Variants in KLHL35 observed in about 807,000 individuals in gnomAD.
KLHL35 encodes kelch-like protein 35.
In KLHL35, 50 loss-of-function variants were observed where a neutral mutation model predicts 44.0. That is an observed-to-expected ratio of 1.14 (90% CI 0.91 to 1.44). The LOEUF (loss-of-function observed/expected upper bound fraction) is 1.44. KLHL35 is among the 40% of genes most tolerant of loss of function. The pLI, the probability that KLHL35 is intolerant of heterozygous loss-of-function variation, is 0.00. For missense variants in KLHL35, 1,049 were observed against 887.8 expected (o/e 1.18, Z -2.31); for synonymous variants, 470 against 410.4 (o/e 1.15, Z -1.76).
At position 75,429,770 on chromosome 11, in the gene KLHL35, G is replaced by A. The variant is rs1345259588; in HGVS notation, c.860C>T (p.Ala287Val). Residue 287 changes from alanine to valine, a missense_variant, in exon 2 of 7, where the codon GCG (alanine) becomes GTG (valine). Coordinates refer to ENST00000539798, the MANE Select transcript of KLHL35 (RefSeq NM_001039548.3). ...ACFILGREAG[A>V]LRTRPRRFMD... is the part of the protein sequence containing the mutation. The stretch of plus-strand genomic sequence containing the variant: ...CTACCTCCGCGGCCGGGTCCGCAGC[G>A]CACCGGCCTCGCGGCCCAGGATGAA... 2.7e-6 allele frequency: 4 copies of A among 1,496,022 alleles called. No homozygotes were observed. The highest frequency in any genetic ancestry group is 2.7e-6 in the Non-Finnish European group (3 of 1,128,254). 92.7% of individuals were successfully genotyped at this position (1,496,022 alleles called of 1,614,324 possible).
In KLHL35 at chr11:75,425,506, A is replaced by G. The variant is rs1366884987; in HGVS notation, c.1261T>C (p.Trp421Arg). The change falls in exon 5 of 7, where the codon TGG (tryptophan) becomes CGG (arginine). Residue 421 changes from tryptophan to arginine, a missense_variant. Coordinates refer to ENST00000539798, the MANE Select transcript of KLHL35 (RefSeq NM_001039548.3). ...VERYDPFSNTWAAAAPLPEAV... is the reference protein window; with the variant it reads ...VERYDPFSNTRAAAAPLPEAV... ...TCCGGGAGGGGCGCGGCGGCCGCCC[A>G]GGTGTTGGAGAAGGGGTCGTAGCGC... is the stretch of plus-strand genomic sequence containing the variant. The G allele has an allele frequency of 1.9e-6, 3 of 1,562,758 alleles. No homozygotes were observed. Among genetic ancestry groups the G allele is most frequent in the Admixed American group, 2.0e-5 (1 of 50,762 alleles).
chr11:75,422,869 G>A (rs935019113), intron 6 of KLHL35, 101 bp from the exon 7 acceptor site: 7 of 1,077,484 alleles, frequency 6.5e-6, no homozygotes, highest in East Asian at 4.8e-5. Context: ...CACAGACTGT[G>A]AACAGGCAAT....
chr11:75,430,052 T>A lies in KLHL35; in HGVS notation c.578A>T (p.Glu193Val). The change falls in exon 2 of 7, where the codon GAG (glutamate) becomes GTG (valine). Residue 193 changes from glutamate (E) to valine (V), a missense_variant. Glu to Val is a moderately radical substitution (Grantham distance 121). Coordinates refer to ENST00000539798, the MANE Select transcript of KLHL35 (RefSeq NM_001039548.3). ...AEVARHADFL[E>V]LAPDEVVALL... Reference sequence around the variant, plus strand: ...CGCCACCACCTCGTCAGGCGCCAGCTCCAGGAAGTCGGCGTGGCGCGCCAC... The same window carrying A: ...CGCCACCACCTCGTCAGGCGCCAGCACCAGGAAGTCGGCGTGGCGCGCCAC... 1 of 1,403,032 alleles carries A rather than the reference T, an allele frequency of 7.1e-7. No homozygotes were observed. The highest frequency in any genetic ancestry group is 9.3e-7 in the Non-Finnish European group (1 of 1,080,118). The allele number at this position is 1,403,032 out of a possible 1,614,324, so 86.9% of individuals were successfully genotyped here.
At chr11:75,432,746 G>T (rs972640799) in intron 1 of KLHL35, among the ~76,000 whole-genome samples, 2 of 151,590 alleles carry the variant, frequency 1.3e-5, no homozygotes, top group African/African-American at 4.9e-5. Context: ...CAGTCTGGGG[G>T]TCAAACGACA....
intron 1 of KLHL35, among the ~76,000 whole-genome samples, chr11:75,431,748 T>C (rs547960862): frequency 3.0e-4 from 45 of 152,294 alleles, no homozygotes; most frequent in African/African-American, 1.0e-3. Flanking sequence ...GGGATCATCA[T>C]CCCTACCTCA....
In KLHL35 at chr11:75,428,386, A is replaced by C. The variant is rs1948507366; in HGVS notation, c.1066+56T>G. 5.1e-6 allele frequency: 8 copies of C among 1,578,800 alleles called. No homozygotes were observed. The Middle Eastern group carries it at 9.0e-4, about 177-fold the overall frequency. On this transcript the variant is annotated intron_variant, in intron 3 of 6. Coordinates refer to ENST00000539798, the MANE Select transcript of KLHL35 (RefSeq NM_001039548.3). The stretch of plus-strand genomic sequence containing the variant: ...TTGGAGGGAAAAGCAAAGGGGGTGG[A>C]GTGCGGAGGCTACTAGTCAATCCCG...
In KLHL35 at chr11:75,430,506, C is replaced by A. The variant is rs146939053; in HGVS notation, c.124G>T (p.Asp42Tyr). The A allele has an allele frequency of 7.6e-4, 1,095 of 1,441,714 alleles. 9 individuals carry two copies. The Middle Eastern group carries it at 0.015, about 19-fold the overall frequency. The allele number at this position is 1,441,714 out of a possible 1,614,324, so 89.3% of individuals were successfully genotyped here. Residue 42 changes from aspartate (D) to tyrosine (Y), a missense_variant, in exon 2 of 7, where the codon GAC (aspartate) becomes TAC (tyrosine). Coordinates refer to ENST00000539798, the MANE Select transcript of KLHL35 (RefSeq NM_001039548.3). ...CGCCCGCCGGCGCGCAGCACCACGT[C>A]GGTGAGGGTGCCGCTCCGCCGGTAG... ...NAYRRSGTLT[D>Y]VVLRAGGRDF... is the part of the protein sequence containing the mutation.
In KLHL35 at chr11:75,430,105, GC is replaced by G; in HGVS notation, c.524del (p.Gly175AlafsTer124). 7.7e-7 allele frequency: 1 copy of G among 1,300,202 alleles called. No individual in the cohort carries two copies. Among genetic ancestry groups the G allele is most frequent in the South Asian group, 2.2e-5 (1 of 45,702 alleles). The allele number at this position is 1,300,202 out of a possible 1,614,324, so 80.5% of individuals were successfully genotyped here. A position where few individuals can be genotyped will look rare whatever the true frequency, so the allele number is the denominator to read the frequency against. Reference sequence around the variant, plus strand: ...CGGCGAAGGCCTGACGCAGGACGCGGCCGCAGCGCTCGGCCAGCGGGGCCAG... The same window carrying G: ...CGGCGAAGGCCTGACGCAGGACGCGGCGCAGCGCTCGGCCAGCGGGGCCAG... ...FSLAPLAERCGRVLRQAFAEV... is the reference protein window; with the variant it reads ...FSLAPLAERCXRVLRQAFAEV... On this transcript the variant is annotated frameshift_variant, in exon 2 of 7. Transcript: ENST00000539798. LOFTEE classifies it high-confidence loss of function.
chr11:75,428,475 C>G lies in KLHL35; in HGVS notation c.1033G>C (p.Ala345Pro). 6.2e-7 allele frequency: 1 copy of G among 1,612,554 alleles called. No individual in the cohort carries two copies. The highest frequency in any genetic ancestry group is 8.5e-7 in the Non-Finnish European group (1 of 1,179,874). The change falls in exon 3 of 7, where the codon GCC becomes CCC. Residue 345 changes from alanine to proline, a missense_variant. Ala to Pro is a conservative substitution (Grantham distance 27). Coordinates refer to ENST00000539798, the MANE Select transcript of KLHL35 (RefSeq NM_001039548.3). Reference protein sequence around the residue: ...LPGYTRSEFAACALRNDVYVS... With the variant: ...LPGYTRSEFAPCALRNDVYVS... ...TAGACGTCATTGCGGAGAGCACAGG[C>G]GGCGAATTCTGAGCGAGTGTAGCCG...
chr11:75,423,779 A>G lies in KLHL35; in HGVS notation c.1476T>C (p.Tyr492=), dbSNP rs554705443. 6.2e-7 allele frequency: 1 copy of G among 1,613,806 alleles called. No homozygotes were observed. Among genetic ancestry groups the G allele is most frequent in the African/African-American group, 1.3e-5 (1 of 75,004 alleles). The change falls in exon 6 of 7, where the codon TAT becomes TAC. Residue 492 remains tyrosine (Y), a synonymous_variant. Transcript: ENST00000539798. The part of the protein sequence containing the change: ...LEAVSLEDTI[Y]VMGGLMSKIF... ...TTTTGCTCATGAGACCCCCCATGAC[A>G]TAGATGGTGTCCTCAAGGGAGACAG...
In KLHL35 at chr11:75,422,755, A is replaced by G; in HGVS notation, c.1577T>C (p.Val526Ala). Reference protein sequence around the residue: ...VLPSPVESCGVTVCDGKVHIL... With the variant: ...VLPSPVESCGATVCDGKVHIL... ...GTGGACCTTCCCGTCACACACAGTG[A>G]CTCCACAGCTTTCCTGGGTGGACAA... The change falls in exon 7 of 7, where the codon GTC becomes GCC. Residue 526 changes from valine to alanine, a missense_variant. Val to Ala is a moderately conservative substitution (Grantham distance 64, BLOSUM62 0). Transcript: ENST00000539798. 1 of 1,612,138 alleles carries G rather than the reference A, an allele frequency of 6.2e-7. No individual in the cohort carries two copies. The highest frequency in any genetic ancestry group is 1.1e-5 in the South Asian group (1 of 91,058).
Position 75,425,427 on chromosome 11 carries a change from C to T in KLHL35, c.1340G>A (p.Gly447Glu). ...ASCAGKLFVIGGARQGGVNTD... is the reference protein window; with the variant it reads ...ASCAGKLFVIEGARQGGVNTD... ...GTTGACGCCGCCCTGCCTGGCGCCCCCAATCACGAAGAGCTTGCCCGCGCA... is the reference window on the plus strand; with the variant it reads ...GTTGACGCCGCCCTGCCTGGCGCCCTCAATCACGAAGAGCTTGCCCGCGCA... The change falls in exon 5 of 7, where the codon GGG (glycine) becomes GAG (glutamate). Residue 447 changes from glycine to glutamate, a missense_variant. Gly to Glu is a moderately conservative substitution (Grantham distance 98). Coordinates refer to ENST00000539798, the MANE Select transcript of KLHL35 (RefSeq NM_001039548.3). 1 of 1,568,456 alleles carries T rather than the reference C, an allele frequency of 6.4e-7. No individual in the cohort carries two copies. Among genetic ancestry groups the T allele is most frequent in the South Asian group, 1.2e-5 (1 of 86,502 alleles).
intron 6 of KLHL35, 88 bp downstream of exon 6, chr11:75,423,604 C>T (rs1948467756): frequency 1.8e-6 from 2 of 1,107,968 alleles, no homozygotes; most frequent in East Asian, 2.3e-5. Context: ...AATAAAACCA[C>T]CTAGGATGGA....
In KLHL35 at chr11:75,422,752, G is replaced by A. The variant is rs201073930; in HGVS notation, c.1580C>T (p.Thr527Ile). ...LPSPVESCGV[T>I]VCDGKVHILG... ...GATGTGGACCTTCCCGTCACACACA[G>A]TGACTCCACAGCTTTCCTGGGTGGA... The change falls in exon 7 of 7, where the codon ACT becomes ATT. Residue 527 changes from threonine to isoleucine, a missense_variant. Physicochemically the swap from Thr to Ile is moderately conservative, Grantham distance 89 (BLOSUM62 -1). Transcript: ENST00000539798. 6 of 1,613,302 alleles carry A rather than the reference G, an allele frequency of 3.7e-6. No homozygotes were observed. The highest frequency in any genetic ancestry group is 5.1e-6 in the Non-Finnish European group (6 of 1,179,406).
In KLHL35 at chr11:75,422,727, G is replaced by C. The variant is rs773237276; in HGVS notation, c.1605C>G (p.Ile535Met). The change falls in exon 7 of 7, where the codon ATC becomes ATG. Residue 535 changes from isoleucine to methionine, a missense_variant. Coordinates refer to ENST00000539798, the MANE Select transcript of KLHL35 (RefSeq NM_001039548.3). ...GVTVCDGKVH[I>M]LGGRDDRGES... ...CTCCGCGATCATCCCGCCCGCCAAG[G>C]ATGTGGACCTTCCCGTCACACACAG... The C allele has an allele frequency of 6.2e-7, 1 of 1,613,978 alleles. No homozygotes were observed. Among genetic ancestry groups the C allele is most frequent in the Non-Finnish European group, 8.5e-7 (1 of 1,179,850 alleles).
intron 6 of KLHL35, 108 bp downstream of exon 6, chr11:75,423,584 A>G (rs1263645200): frequency 1.2e-6 from 1 of 840,498 alleles, no homozygotes; most frequent in Admixed American, 2.1e-5. Flanking sequence ...TGAGCTAGAG[A>G]GTGATGTATA....
At chr11:75,431,969 G>A (rs924379266) in intron 1 of KLHL35, among the ~76,000 whole-genome samples, 3 of 152,198 alleles carry the variant, frequency 2.0e-5, no homozygotes, top group African/African-American at 7.2e-5. Flanking sequence ...TTGTCATAAG[G>A]GAAACAAGCA....
At position 75,423,822 on chromosome 11, in the gene KLHL35, G is replaced by C. The variant is rs765189389; in HGVS notation, c.1433C>G (p.Ser478Ter). The C allele has an allele frequency of 1.9e-6, 3 of 1,613,794 alleles. No homozygotes were observed. In the East Asian group the frequency reaches 6.7e-5, roughly 36 times the overall value. Residue 478 changes from serine to a stop codon, truncating the protein, a stop_gained, in exon 6 of 7, where the codon TCA becomes TGA. Coordinates refer to ENST00000539798, the MANE Select transcript of KLHL35 (RefSeq NM_001039548.3). LOFTEE classifies it high-confidence loss of function. ...RWSLRSPAPF[S>*]QRCLEAVSLE... ...GGAGACAGCCTCGAGACACCGCTGT[G>C]AGAAGGGTGCTGGTGACCGCAGGCT...
In KLHL35 at chr11:75,430,124, G is replaced by A. The variant is rs1030224288; in HGVS notation, c.506C>T (p.Pro169Leu). The change falls in exon 2 of 7, where the codon CCG (proline) becomes CTG (leucine). Residue 169 changes from proline (P) to leucine (L), a missense_variant. By Grantham distance (98) the Pro-to-Leu change is moderately conservative (BLOSUM62 -3). Coordinates refer to ENST00000539798, the MANE Select transcript of KLHL35 (RefSeq NM_001039548.3). ...GACGCGGCCGCAGCGCTCGGCCAGC[G>A]GGGCCAGCGAGAAGGCGGCGGCCAC... is the stretch of plus-strand genomic sequence containing the variant. ...RRVAAAFSLA[P>L]LAERCGRVLR... The A allele has an allele frequency of 5.0e-5, 64 of 1,267,454 alleles. No homozygotes were observed. The highest frequency in any genetic ancestry group is 3.1e-4 in the Middle Eastern group (1 of 3,268). The allele number at this position is 1,267,454 out of a possible 1,614,324, so 78.5% of individuals were successfully genotyped here. A position where few individuals can be genotyped will look rare whatever the true frequency, so the allele number is the denominator to read the frequency against.
Sources: gnomAD v4.1 joint callset for allele counts (sites outside exome capture counted in the v4.1 genomes callset) on GRCh38, gnomAD v4.1.1 for gene constraint, MANE v1.5 for transcripts, NCBI Gene and HGNC (gene_info 2026-07-23, HGNC 2026-07-21) for gene names.